RBFOX2: variants seen among roughly 807,000 people sequenced by gnomAD.
RBFOX2 encodes the protein RNA binding protein fox-1 homolog 2.
A neutral mutation model predicts 49.1 loss-of-function variants in RBFOX2; 10 were observed. The observed-to-expected ratio is 0.20, with a 90% CI of 0.13 to 0.35. The LOEUF is 0.35. RBFOX2 is among the 10% of genes least tolerant of loss of function. The pLI, the probability that RBFOX2 is intolerant of heterozygous loss-of-function variation, is 1.00. For missense variants in RBFOX2, 323 were observed against 486.9 expected, an observed-to-expected ratio of 0.66 and a Z score of 3.17; for synonymous variants, 183 against 187.4, an observed-to-expected ratio of 0.98 and a Z score of 0.19.
intron 1 of RBFOX2, among the ~76,000 whole-genome samples, chr22:36,006,831 C>T (rs544341360): frequency 1.3e-5 from 2 of 152,342 alleles, no homozygotes; most frequent in East Asian, 3.9e-4. Flanking sequence ...CCACCCCAGC[C>T]AGATAAGAAT....
At chr22:35,779,746 G>A (rs1391753369) in intron 3 of RBFOX2, among the ~76,000 whole-genome samples, 3 of 152,134 alleles carry the variant, frequency 2.0e-5, no homozygotes, top group East Asian at 3.9e-4. Flanking sequence ...CTTTACCAAC[G>A]TTACTGTTCT....
intron 1 of RBFOX2, among the ~76,000 whole-genome samples, chr22:35,813,047 T>G (rs1952229552): frequency 0.013 from 2 of 158 alleles, no homozygotes; most frequent in Non-Finnish European, 0.024. Flanking sequence ...AGAGGGGTTA[T>G]GTACCTCCCT....
At chr22:35,840,658 A>C, upstream of RBFOX2, 5 of 887,298 alleles carry the variant, frequency 5.6e-6, no homozygotes, top group Non-Finnish European at 6.6e-6. Flanking sequence ...GTGTGTGTGT[A>C]GGGGGGAGGA....
chr22:35,955,095 G>A (rs553981834), intron 1 of RBFOX2, among the ~76,000 whole-genome samples: 25 of 152,188 alleles, frequency 1.6e-4, no homozygotes, highest in Middle Eastern at 6.8e-3. Flanking sequence ...TCTAGCCCAC[G>A]CTCTTTCAAT....
intron 1 of RBFOX2, among the ~76,000 whole-genome samples, chr22:36,011,606 CT>C (rs1436266294): frequency 6.6e-6 from 1 of 152,160 alleles, no homozygotes; most frequent in African/African-American, 2.4e-5. Flanking sequence ...TACGTAGGCA[CT>C]GTCTCTAGAA....
At chr22:35,837,191 G>A (rs1447368604) in intron 1 of RBFOX2, among the ~76,000 whole-genome samples, 4 of 152,076 alleles carry the variant, frequency 2.6e-5, no homozygotes, top group Non-Finnish European at 4.4e-5. Context: ...ATAATAAAGC[G>A]CATACACTGT....
chr22:35,980,131 T>G (rs1388472172), intron 1 of RBFOX2, among the ~76,000 whole-genome samples: 7 of 152,090 alleles, frequency 4.6e-5, no homozygotes, highest in Admixed American at 3.3e-4. Context: ...AAAGATAACA[T>G]TTGAGATGTA....
chr22:36,008,035 C>T (rs1045094093), intron 1 of RBFOX2, among the ~76,000 whole-genome samples: 1 of 152,074 alleles, frequency 6.6e-6, no homozygotes, highest in Non-Finnish European at 1.5e-5. Flanking sequence ...GGATAAATTC[C>T]TGGAAGTGGA....
chr22:35,771,647 TTAAA>T (rs1372630625), intron 4 of RBFOX2, among the ~76,000 whole-genome samples: 1 of 152,168 alleles, frequency 6.6e-6, no homozygotes, highest in African/African-American at 2.4e-5. Context: ...AGTACTGTTC[TTAAA>T]TACTTTTCTC....
rs574924193 is a variant in RBFOX2 at position 35,974,698 on chromosome 22, C to A, written c.187-35801G>T. Among the ~76,000 whole-genome samples, 47 of 152,046 alleles carry A rather than the reference C, an allele frequency of 3.1e-4. 1 individual carries two copies. The highest frequency in any genetic ancestry group is 1.3e-3 in the South Asian group (6 of 4,794). On this transcript the variant is annotated intron_variant, in intron 1 of 13. Transcript: ENST00000438146. Reference sequence around the variant, plus strand: ...CGAGACTCCGTATCAAAAACAAAAACAACAACAACAACAAAAACAGGCTAG... The same window carrying A: ...CGAGACTCCGTATCAAAAACAAAAAAAACAACAACAACAAAAACAGGCTAG...
At chr22:35,770,404 T>A (rs892727220) in intron 4 of RBFOX2, among the ~76,000 whole-genome samples, 4 of 152,048 alleles carry the variant, frequency 2.6e-5, no homozygotes, top group Non-Finnish European at 2.9e-5. Context: ...GATATTAGCA[T>A]TATGACTATA....
upstream of RBFOX2, among the ~76,000 whole-genome samples, chr22:35,966,498 G>A (rs2056565803): frequency 2.0e-5 from 3 of 152,106 alleles, no homozygotes; most frequent in Admixed American, 6.6e-5. Flanking sequence ...CTAATGCTTG[G>A]TAATGTCTGC....
chr22:35,918,032 T>A (rs954139567), intron 1 of RBFOX2, among the ~76,000 whole-genome samples: 3 of 152,184 alleles, frequency 2.0e-5, no homozygotes, highest in African/African-American at 7.2e-5. Context: ...TCCCCAAATG[T>A]AAAACGGGGG....
chr22:36,002,081 AG>A, intron 1 of RBFOX2, among the ~76,000 whole-genome samples: 1 of 152,084 alleles, frequency 6.6e-6, no homozygotes, highest in Non-Finnish European at 1.5e-5. Context: ...AGAAGAAAAA[AG>A]AAAACAACAA....
At chr22:35,876,840 C>T (rs918303695) in intron 1 of RBFOX2, among the ~76,000 whole-genome samples, 2 of 151,956 alleles carry the variant, frequency 1.3e-5, no homozygotes, top group Non-Finnish European at 2.9e-5. Context: ...TGTACCTGAA[C>T]TACTATCCAT....
intron 1 of RBFOX2, among the ~76,000 whole-genome samples, chr22:35,974,431 T>C (rs1820498303): frequency 6.6e-6 from 1 of 152,176 alleles, no homozygotes; most frequent in East Asian, 1.9e-4. Flanking sequence ...ACGCCTGTTA[T>C]CCCAGCACTT....
chr22:35,949,499 G>A (rs2149829342), intron 1 of RBFOX2, among the ~76,000 whole-genome samples: 1 of 152,294 alleles, frequency 6.6e-6, no homozygotes, highest in East Asian at 1.9e-4. Flanking sequence ...CCACAGCACT[G>A]AACCATTTTA....
intron 2 of RBFOX2, among the ~76,000 whole-genome samples, chr22:35,805,729 C>G (rs972732907): frequency 4.6e-5 from 7 of 152,134 alleles, no homozygotes; most frequent in Admixed American, 3.3e-4. Flanking sequence ...AACCAAGATG[C>G]CCTTAAATTG....
intron 1 of RBFOX2, among the ~76,000 whole-genome samples, chr22:35,881,595 AG>A (rs2045909515): frequency 6.6e-6 from 1 of 150,670 alleles, no homozygotes; most frequent in Non-Finnish European, 1.5e-5. Flanking sequence ...AAAAAAAAAA[AG>A]GAAGAAATTT....
Sources: allele counts gnomAD v4.1 joint callset (sites outside exome capture counted in the v4.1 genomes callset), GRCh38; gene constraint gnomAD v4.1.1; transcripts MANE v1.5; gene names NCBI Gene and HGNC (gene_info 2026-07-23, HGNC 2026-07-21).